The following HMBOX1 variants were observed in gnomAD, a reference collection of about 807,000 sequenced individuals.
HMBOX1 encodes the protein homeobox containing 1, also known as homeobox-containing protein 1.
A neutral mutation model predicts 54.5 loss-of-function variants in HMBOX1; 14 were observed. The ratio of observed to expected loss-of-function variants is 0.26; its 90% CI spans 0.17 to 0.40. The LOEUF is 0.40. HMBOX1 is among the 10% of genes least tolerant of loss of function. The probability of loss-of-function intolerance (pLI) is 1.00; values close to 1 mark genes in which losing one functional copy is unlikely to be tolerated. For synonymous variants in HMBOX1, 160 were observed against 181.0 expected (o/e 0.88, Z 0.93); for missense variants, 332 against 514.4 (o/e 0.65, Z 3.43).
intron 1 of HMBOX1, among the ~76,000 whole-genome samples, chr8:28,949,150 C>T (rs965847069): frequency 6.6e-6 from 1 of 152,164 alleles, no homozygotes; most frequent in Admixed American, 6.5e-5. Flanking sequence ...AATAGTTACA[C>T]AGACATTAAA....
intron 1 of HMBOX1, among the ~76,000 whole-genome samples, chr8:28,893,584 A>G (rs781047752): frequency 2.6e-5 from 4 of 152,206 alleles, no homozygotes; most frequent in Admixed American, 6.5e-5. Flanking sequence ...TGCTGTACAA[A>G]CAGATTTCAG....
chr8:28,942,637 G>A (rs1054308019), intron 1 of HMBOX1, among the ~76,000 whole-genome samples: 10 of 151,966 alleles, frequency 6.6e-5, no homozygotes, highest in African/African-American at 2.4e-4. Context: ...ACTGACATGT[G>A]TATATTCAGC....
chr8:28,966,197 G>A (rs547109877), intron 2 of HMBOX1, among the ~76,000 whole-genome samples: 73 of 152,274 alleles, frequency 4.8e-4, no homozygotes, highest in African/African-American at 1.7e-3. Flanking sequence ...CCTTATCCAA[G>A]AAGGGTTTAG....
intron 1 of HMBOX1, among the ~76,000 whole-genome samples, chr8:28,960,745 C>CTCTTTTTCTTTT (rs1253306225): frequency 1.5e-5 from 1 of 67,864 alleles, no homozygotes; most frequent in Non-Finnish European, 2.8e-5. Flanking sequence ...TAAACTTATT[C>CTCTTTTTCTTTT]TCTTTTTCTT....
rs544941450 is a variant in HMBOX1, at chr8:29,018,854, C to A, written c.792C>A (p.Phe264Leu). ...PPPVSATSGTFRLRRGSRFTW... is the reference protein window; with the variant it reads ...PPPVSATSGTLRLRRGSRFTW... ...CAGTCTCTGCCACATCTGGTACTTTCCGACTGCGACGAGGGAGTCGATTTA... is the reference window on the plus strand; with the variant it reads ...CAGTCTCTGCCACATCTGGTACTTTACGACTGCGACGAGGGAGTCGATTTA... The change falls in exon 6 of 10, where the codon TTC (phenylalanine) becomes TTA (leucine). Residue 264 changes from phenylalanine (F) to leucine (L), a missense_variant. Phe to Leu is a conservative substitution (Grantham distance 22). Transcript: ENST00000287701. 1.2e-6 allele frequency: 2 copies of A among 1,614,174 alleles called. No homozygotes were observed. The highest frequency in any genetic ancestry group is 1.1e-5 in the South Asian group (1 of 91,086).
intron 5 of HMBOX1, among the ~76,000 whole-genome samples, chr8:29,017,765 A>C (rs952687109): frequency 2.0e-5 from 3 of 152,216 alleles, no homozygotes; most frequent in African/African-American, 7.2e-5. Context: ...TAAGAAGGGG[A>C]TCTACAATAG....
intron 5 of HMBOX1, chr8:29,009,629 T>C: frequency 2.8e-6 from 2 of 722,530 alleles, no homozygotes; most frequent in South Asian, 6.2e-5. Flanking sequence ...CTGCTAATGA[T>C]TTTTTTTTTT....
intron 6 of HMBOX1, among the ~76,000 whole-genome samples, chr8:29,033,649 A>C (rs934416447): frequency 6.6e-6 from 1 of 152,214 alleles, no homozygotes; most frequent in Non-Finnish European, 1.5e-5. Flanking sequence ...CTCTATCCTC[A>C]TAGAGATGCT....
chr8:28,958,399 T>G (rs1308033085), intron 1 of HMBOX1, among the ~76,000 whole-genome samples: 2 of 152,240 alleles, frequency 1.3e-5, no homozygotes, highest in Non-Finnish European at 2.9e-5. Flanking sequence ...TTACCATTTT[T>G]CCTGTAAACT....
At chr8:28,926,046 C>T (rs1440496016) in intron 1 of HMBOX1, among the ~76,000 whole-genome samples, 11 of 151,912 alleles carry the variant, frequency 7.2e-5, no homozygotes, top group Admixed American at 2.0e-4. Context: ...TGCATGTAAT[C>T]CTGTCACTTT....
At chr8:29,002,794 A>G (rs1184878004) in intron 4 of HMBOX1, among the ~76,000 whole-genome samples, 1 of 152,090 alleles carries the variant, frequency 6.6e-6, no homozygotes, top group African/African-American at 2.4e-5. Context: ...CATTTCAGTT[A>G]TTACTTCTAC....
chr8:29,047,215 A>G, intron 7 of HMBOX1, 143 bp from the exon 8 acceptor site: 1 of 617,304 alleles, frequency 1.6e-6, no homozygotes, highest in Non-Finnish European at 2.9e-6. Context: ...GGTACCAGGT[A>G]ATACTTTAAA....
chr8:29,024,791 A>G (rs573104427), intron 6 of HMBOX1, among the ~76,000 whole-genome samples: 1 of 152,266 alleles, frequency 6.6e-6, no homozygotes, highest in Non-Finnish European at 1.5e-5. Context: ...CCCATATGCA[A>G]ATGGATTAGA....
intron 1 of HMBOX1, among the ~76,000 whole-genome samples, chr8:28,933,292 T>C (rs551318771): frequency 4.9e-4 from 75 of 152,324 alleles, no homozygotes; most frequent in African/African-American, 1.8e-3. Context: ...CAGGTCCCTA[T>C]GTGAATAAGG....
intron 4 of HMBOX1, among the ~76,000 whole-genome samples, chr8:29,001,817 ACT>A (rs1428213633): frequency 2.6e-5 from 4 of 152,326 alleles, no homozygotes; most frequent in Admixed American, 6.5e-5. Flanking sequence ...CTTTTAAGAA[ACT>A]CTGTGGTAAA....
chr8:28,947,057 T>C (rs1822596724), intron 1 of HMBOX1, among the ~76,000 whole-genome samples: 3 of 152,174 alleles, frequency 2.0e-5, no homozygotes. Flanking sequence ...AGAGAAAATG[T>C]GATGCTTATC....
chr8:28,984,304 G>A (rs4407834), intron 4 of HMBOX1, among the ~76,000 whole-genome samples: 88,308 of 152,106 alleles, frequency 0.58, 26,619 homozygotes, highest in East Asian at 0.69. Context: ...ACTCTAATAT[G>A]TGAAATAAGT....
intron 6 of HMBOX1, among the ~76,000 whole-genome samples, chr8:29,043,860 A>G (rs920323022): frequency 5.3e-5 from 8 of 152,336 alleles, no homozygotes; most frequent in Middle Eastern, 3.4e-3. Context: ...TGACTTGGAA[A>G]AATCCTCCGT....
At position 28,939,505 on chromosome 8, in the gene HMBOX1, A is replaced by AGTTTTT. The variant is rs552789830; in HGVS notation, c.-57-24293_-57-24288dup. ...CCTTGCTTTGTTTTTTGTTTAGTTT[A>AGTTTTT]GTTTTTGTTTTTGTTTTTTGAGATG... is the stretch of plus-strand genomic sequence containing the variant. On this transcript the variant is annotated intron_variant, in intron 1 of 9. Coordinates refer to ENST00000287701, the MANE Select transcript of HMBOX1 (RefSeq NM_001135726.3). 2.9e-3 allele frequency among the ~76,000 whole-genome samples: 440 copies of AGTTTTT among 151,596 alleles called. 3 individuals are homozygous for AGTTTTT. Among genetic ancestry groups the AGTTTTT allele is most frequent in the African/African-American group, 0.01 (427 of 41,344 alleles).
Sources: allele counts gnomAD v4.1 joint callset (sites outside exome capture counted in the v4.1 genomes callset), GRCh38; gene constraint gnomAD v4.1.1; transcripts MANE v1.5; gene names NCBI Gene and HGNC (gene_info 2026-07-23, HGNC 2026-07-21).